SDK1: variants seen among roughly 807,000 people sequenced by gnomAD.
The protein encoded by SDK1 is protein sidekick-1.
A neutral mutation model predicts 245.5 loss-of-function variants in SDK1; 157 were observed. That is an observed-to-expected ratio of 0.64 (90% confidence interval 0.56 to 0.73). The LOEUF is 0.73. Among genes scored for constraint, SDK1 ranks in the 30% least tolerant of loss-of-function variants. The pLI is 0.00. For missense variants in SDK1, 3,583 were observed against 3,002.3 expected, an observed-to-expected ratio of 1.19 and a Z score of -4.52; for synonymous variants, 1,647 against 1,278.5, an observed-to-expected ratio of 1.29 and a Z score of -6.15.
chr7:4,237,686 T>C lies in SDK1; in HGVS notation c.6032T>C (p.Leu2011Pro), dbSNP rs1220226140. 1.2e-6 allele frequency: 2 copies of C among 1,614,146 alleles called. No individual in the cohort carries two copies. The highest frequency in any genetic ancestry group is 3.3e-5 in the Admixed American group (2 of 60,024). The change falls in exon 42 of 45, where the codon CTC (leucine) becomes CCC (proline). Residue 2011 changes from leucine to proline, a missense_variant. Leu to Pro is a moderately conservative substitution (Grantham distance 98, BLOSUM62 -3). Transcript: ENST00000404826. ...CCATTCTACGAGGAGTGGTGGTTCC[T>C]CCTGGTGATGGCTCTGTCCAGCCTG... ...EAPFYEEWWFLLVMALSSLIV... is the reference protein window; with the variant it reads ...EAPFYEEWWFPLVMALSSLIV...
At chr7:3,399,326 T>G (rs1016957300) in intron 1 of SDK1, among the ~76,000 whole-genome samples, 3 of 152,096 alleles carry the variant, frequency 2.0e-5, no homozygotes, top group African/African-American at 7.2e-5. Context: ...TCTGTCTCTT[T>G]CTTGACATTT....
At position 4,077,074 on chromosome 7, in the gene SDK1, G is replaced by A. The variant is rs752427805; in HGVS notation, c.3087G>A (p.Glu1029=). 18 of 1,614,082 alleles carry A rather than the reference G, an allele frequency of 1.1e-5. 1 individual carries two copies. The South Asian group carries it at 1.9e-4, about 17-fold the overall frequency. ...ACACCCTGAACAGCACGACGCACGA[G>A]TACAAGATCCAAGGCCTCTCATCTC... ...LTHTLNSTTH[E]YKIQGLSSLT... is the part of the protein sequence containing the mutation. Residue 1029 remains glutamate, a synonymous_variant, in exon 21 of 45, where the codon GAG becomes GAA. Transcript: ENST00000404826.
rs186213270 is a variant in SDK1 at position 3,319,876 on chromosome 7, G to C, written c.298+17992G>C. On this transcript the variant is annotated intron_variant, in intron 1 of 44. Transcript: ENST00000404826. The stretch of plus-strand genomic sequence containing the variant: ...TTTGCCTATATCTAACCCATTCTTA[G>C]TCTTTTTTTTTTTTTTTTTGCATTT... Among the ~76,000 whole-genome samples, 86 of 41,002 alleles carry C rather than the reference G, an allele frequency of 2.1e-3. 1 individual carries two copies. The highest frequency in any genetic ancestry group is 9.0e-3 in the African/African-American group (72 of 7,972). The allele number at this position is 41,002 out of a possible 152,430, so 26.9% of individuals were successfully genotyped here.
chr7:3,855,277 G>C (rs920313675), intron 5 of SDK1, among the ~76,000 whole-genome samples: 1 of 151,706 alleles, frequency 6.6e-6, no homozygotes, highest in Non-Finnish European at 1.5e-5. Flanking sequence ...AGACAGCTGG[G>C]GAATGACAAC....
Position 4,139,661 on chromosome 7 carries a change from A to ATATGTATATATGTGTGTG in SDK1, c.4229-6056_4229-6055insATATATGTGTGTGTATGT, listed in dbSNP as rs1295523366. On this transcript the variant is annotated intron_variant, in intron 28 of 44. Transcript: ENST00000404826. ...TATGTGTGTGTATATGTGTGTGTGT[A>ATATGTATATATGTGTGTG]TATGTGTGTGTGTATATGTGTGTGT... 2.1e-3 allele frequency among the ~76,000 whole-genome samples: 144 copies of ATATGTATATATGTGTGTG among 68,406 alleles called. 12 individuals are homozygous for ATATGTATATATGTGTGTG. Among genetic ancestry groups the ATATGTATATATGTGTGTG allele is most frequent in the African/African-American group, 9.1e-3 (136 of 14,982 alleles). The allele number at this position is 68,406 out of a possible 152,430, so 44.9% of individuals were successfully genotyped here. A position where few individuals can be genotyped will look rare whatever the true frequency, so the allele number is the denominator to read the frequency against.
chr7:4,120,928 T>TAAAAAA (rs546508577), intron 25 of SDK1, among the ~76,000 whole-genome samples: 11 of 149,234 alleles, frequency 7.4e-5, no homozygotes, highest in African/African-American at 2.5e-4. Flanking sequence ...GAACACTCTT[T>TAAAAAA]TAAAAAAAAA....
At chr7:3,447,922 T>A (rs1252248210) in intron 1 of SDK1, among the ~76,000 whole-genome samples, 1 of 151,682 alleles carries the variant, frequency 6.6e-6, no homozygotes, top group Non-Finnish European at 1.5e-5. Context: ...CAGGCTGGTC[T>A]CGAATTCCCG....
chr7:4,212,161 G>A (rs567227817), intron 38 of SDK1, among the ~76,000 whole-genome samples: 1 of 152,320 alleles, frequency 6.6e-6, no homozygotes, highest in South Asian at 2.1e-4. Context: ...AAGAATATCG[G>A]CGCTCCATTT....
At chr7:3,996,325 A>G (rs1784696817) in intron 14 of SDK1, among the ~76,000 whole-genome samples, 1 of 152,232 alleles carries the variant, frequency 6.6e-6, no homozygotes, top group South Asian at 2.1e-4. Context: ...CTGATAAAAC[A>G]ACTCTCTTCA....
intron 1 of SDK1, among the ~76,000 whole-genome samples, chr7:3,371,317 C>G (rs1583758342): frequency 1.3e-5 from 2 of 152,090 alleles, no homozygotes; most frequent in African/African-American, 4.8e-5. Flanking sequence ...CTCTCCTAGT[C>G]AAAACGCTGA....
chr7:3,850,920 A>G lies in SDK1; in HGVS notation c.847+29337A>G, dbSNP rs577766172. Among the ~76,000 whole-genome samples, 12 of 152,362 alleles carry G rather than the reference A, an allele frequency of 7.9e-5. No individual in the cohort carries two copies. The South Asian group carries it at 1.9e-3, about 24-fold the overall frequency. ...TATACCTAATGTAAATGACGACTTAATAGGTGCAGAACACCAACATGGCAC... is the reference window on the plus strand; with the variant it reads ...TATACCTAATGTAAATGACGACTTAGTAGGTGCAGAACACCAACATGGCAC... On this transcript the variant is annotated intron_variant, in intron 5 of 44. Coordinates refer to ENST00000404826, the MANE Select transcript of SDK1 (RefSeq NM_152744.4).
chr7:3,386,102 A>T (rs1386487444), intron 1 of SDK1, among the ~76,000 whole-genome samples: 1 of 152,198 alleles, frequency 6.6e-6, no homozygotes, highest in Non-Finnish European at 1.5e-5. Context: ...AGACATAGGA[A>T]TTCATGGAAC....
At chr7:3,504,070 A>T (rs959542909) in intron 1 of SDK1, among the ~76,000 whole-genome samples, 3 of 151,772 alleles carry the variant, frequency 2.0e-5, no homozygotes, top group African/African-American at 7.3e-5. Flanking sequence ...GAATTGCTTG[A>T]ACCCGGGAGG....
chr7:3,549,010 C>T (rs370819210), intron 1 of SDK1, among the ~76,000 whole-genome samples: 2 of 152,012 alleles, frequency 1.3e-5, no homozygotes, highest in African/African-American at 4.8e-5. Flanking sequence ...GGAGGTGAGG[C>T]GCCCCCCTTC....
chr7:3,514,169 C>T (rs1304379027), intron 1 of SDK1, among the ~76,000 whole-genome samples: 1 of 152,108 alleles, frequency 6.6e-6, no homozygotes, highest in East Asian at 1.9e-4. Flanking sequence ...GACTGCCTGT[C>T]TCATGGAGTT....
chr7:3,990,100 C>T (rs986988631), intron 14 of SDK1, among the ~76,000 whole-genome samples: 12 of 152,194 alleles, frequency 7.9e-5, no homozygotes, highest in African/African-American at 2.7e-4. Context: ...TCTGTGTGGA[C>T]GTGGAGGAAG....
intron 5 of SDK1, among the ~76,000 whole-genome samples, chr7:3,871,865 C>G (rs1026998308): frequency 5.9e-5 from 9 of 152,176 alleles, no homozygotes; most frequent in African/African-American, 2.2e-4. Context: ...TTAGAAAAAA[C>G]CACCTCTCCT....
At chr7:3,608,005 C>T (rs1280421857) in intron 1 of SDK1, among the ~76,000 whole-genome samples, 2 of 152,210 alleles carry the variant, frequency 1.3e-5, no homozygotes, top group African/African-American at 4.8e-5. Flanking sequence ...TACTTTGTCC[C>T]CTTGTTGAGC....
At chr7:3,833,557 A>G (rs1209321747) in intron 5 of SDK1, among the ~76,000 whole-genome samples, 3 of 152,236 alleles carry the variant, frequency 2.0e-5, no homozygotes, top group African/African-American at 7.2e-5. Flanking sequence ...AGAGACTTAT[A>G]TCCTCATTAG....
Sources: allele counts gnomAD v4.1 joint callset (sites outside exome capture counted in the v4.1 genomes callset), GRCh38; gene constraint gnomAD v4.1.1; transcripts MANE v1.5; gene names NCBI Gene and HGNC (gene_info 2026-07-23, HGNC 2026-07-21).